STIM1: variants seen among roughly 807,000 people sequenced by gnomAD.
The protein encoded by STIM1 is stromal interaction molecule 1.
STIM1 carries 25 observed loss-of-function variants against 74.7 expected under a neutral mutation model. The ratio of observed to expected loss-of-function variants is 0.33; its 90% CI spans 0.24 to 0.47. STIM1 has a LOEUF of 0.47. STIM1 is among the 20% of genes least tolerant of loss of function. STIM1 has a pLI of 1.00. For synonymous variants in STIM1, 328 were observed against 348.8 expected, an observed-to-expected ratio of 0.94 and a Z score of 0.66; for missense variants, 728 against 920.8, an observed-to-expected ratio of 0.79 and a Z score of 2.71.
chr11:4,027,109 C>T (rs1251568180), intron 3 of STIM1, among the ~76,000 whole-genome samples: 1 of 152,118 alleles, frequency 6.6e-6, no homozygotes, highest in Non-Finnish European at 1.5e-5. Flanking sequence ...ATAATAAAGA[C>T]ATTCCTATCA....
Position 4,074,492 on chromosome 11 carries a change from G to C in STIM1, c.792-10G>C. ...CTGGCCTCCTCCAGCTCCCTGCATT[G>C]CCCCCCCAGGCTGCACAAGGCCCAG... On this transcript the variant is annotated splice_polypyrimidine_tract_variant and intron_variant, in intron 6 of 12. Coordinates refer to ENST00000526596, the MANE Select transcript of STIM1 (RefSeq NM_001382567.1). 6.2e-7 allele frequency: 1 copy of C among 1,612,950 alleles called. No individual in the cohort carries two copies. Among genetic ancestry groups the C allele is most frequent in the Non-Finnish European group, 8.5e-7 (1 of 1,179,874 alleles).
chr11:4,022,196 G>A (rs2093960981), intron 2 of STIM1, among the ~76,000 whole-genome samples: 1 of 151,772 alleles, frequency 6.6e-6, no homozygotes, highest in Non-Finnish European at 1.5e-5. Flanking sequence ...AGCCAGGTGG[G>A]GTGGCGTGCA....
At chr11:4,082,771 C>T (rs1590697192) in intron 8 of STIM1, 111 bp from the exon 9 acceptor site, 4 of 836,608 alleles carry the variant, frequency 4.8e-6, no homozygotes, top group East Asian at 5.1e-5. Context: ...TTTCCTTGTA[C>T]AGCCTCAGTT....
chr11:3,886,334 T>A (rs1446558711), intron 1 of STIM1, among the ~76,000 whole-genome samples: 1 of 152,168 alleles, frequency 6.6e-6, no homozygotes, highest in Non-Finnish European at 1.5e-5. Flanking sequence ...ATTTTTTTTT[T>A]AACTCTGTAA....
At chr11:4,015,032 G>T (rs920542925) in intron 2 of STIM1, among the ~76,000 whole-genome samples, 1 of 152,126 alleles carries the variant, frequency 6.6e-6, no homozygotes, top group Non-Finnish European at 1.5e-5. Flanking sequence ...TTTAATTGGG[G>T]CATTTAGCCC....
intron 7 of STIM1, among the ~76,000 whole-genome samples, chr11:4,076,798 C>T (rs2133197955): frequency 6.9e-6 from 1 of 145,296 alleles, no homozygotes; most frequent in South Asian, 2.1e-4. Flanking sequence ...ACATGGTTAT[C>T]TAGTATATTG....
chr11:4,037,011 A>G (rs530249959), intron 3 of STIM1, among the ~76,000 whole-genome samples: 2 of 150,730 alleles, frequency 1.3e-5, no homozygotes, highest in Middle Eastern at 3.4e-3. Flanking sequence ...ATCTTTATCA[A>G]TTTTCCACCT....
chr11:3,936,775 C>G (rs892535094), intron 1 of STIM1, among the ~76,000 whole-genome samples: 1 of 152,070 alleles, frequency 6.6e-6, no homozygotes, highest in African/African-American at 2.4e-5. Flanking sequence ...GTTGAAGGAG[C>G]CAAGACTGGA....
intron 1 of STIM1, among the ~76,000 whole-genome samples, chr11:3,897,839 C>T (rs375457921): frequency 0.012 from 1,900 of 152,130 alleles, 18 homozygotes; most frequent in Non-Finnish European, 0.022. Flanking sequence ...ACAAAGGACA[C>T]GAACTCATCA....
intron 12 of STIM1, among the ~76,000 whole-genome samples, chr11:4,087,320 T>TG (rs1194803542): frequency 1.4e-4 from 22 of 152,132 alleles, no homozygotes; most frequent in African/African-American, 2.4e-5. Flanking sequence ...TTAAGTGCTA[T>TG]GGGGGTGTTG....
chr11:4,041,717 G>A (rs1450570529), intron 3 of STIM1, among the ~76,000 whole-genome samples: 1 of 151,930 alleles, frequency 6.6e-6, no homozygotes, highest in African/African-American at 2.4e-5. Context: ...AGCCTCCCAA[G>A]TAGCTGGGAC....
intron 1 of STIM1, among the ~76,000 whole-genome samples, chr11:3,895,669 TCTTTCCTTCCTTCC>T (rs2092069191): frequency 1.1e-3 from 44 of 39,844 alleles, no homozygotes; most frequent in African/African-American, 5.9e-3. Flanking sequence ...TTTCTTTCTT[TCTTTCCTTCCTTCC>T]TTCTTTCTTT....
At chr11:4,084,586 C>G in intron 10 of STIM1, 87 bp from the exon 11 acceptor site, 1 of 1,110,452 alleles carries the variant, frequency 9.0e-7, no homozygotes, top group Non-Finnish European at 1.2e-6. Context: ...TCCCTGCCCC[C>G]AGCCCTTCCT....
intron 1 of STIM1, among the ~76,000 whole-genome samples, chr11:3,957,831 C>A (rs914056611): frequency 1.3e-5 from 2 of 152,030 alleles, no homozygotes; most frequent in Non-Finnish European, 2.9e-5. Context: ...CCCCAAAGTG[C>A]TGAAATTACA....
At chr11:4,084,850 C>A in intron 11 of STIM1, 85 bp downstream of exon 11, 1 of 1,093,174 alleles carries the variant, frequency 9.1e-7, no homozygotes, top group Non-Finnish European at 1.2e-6. Flanking sequence ...CCTTCTCCTG[C>A]CTGCTTCACG....
rs2092510302 is a variant in STIM1, at chr11:3,908,681, A to G, written c.139+52272A>G. ...TTAAAGCCTAGGTTTATTCTGCTTA[A>G]TACATTGTCAAGCTCAAATAAAATG... On this transcript the variant is annotated intron_variant, in intron 1 of 12. Coordinates refer to ENST00000526596, the MANE Select transcript of STIM1 (RefSeq NM_001382567.1). Among the ~76,000 whole-genome samples the G allele has an allele frequency of 2.0e-5, 3 of 152,256 alleles. No individual in the cohort carries two copies. The South Asian group carries it at 6.2e-4, about 32-fold the overall frequency.
chr11:3,973,908 A>G (rs942216102), intron 2 of STIM1: 2 of 492,898 alleles, frequency 4.1e-6, no homozygotes, highest in Non-Finnish European at 3.7e-6. Context: ...TAAATTTAAA[A>G]TGTATCTTTT....
chr11:3,955,138 T>C (rs954202423), intron 1 of STIM1, among the ~76,000 whole-genome samples: 3 of 152,222 alleles, frequency 2.0e-5, no homozygotes, highest in African/African-American at 7.2e-5. Context: ...TACATACTGA[T>C]GATTCCATTT....
At chr11:4,047,796 G>A (rs567005802) in intron 3 of STIM1, among the ~76,000 whole-genome samples, 2 of 151,756 alleles carry the variant, frequency 1.3e-5, no homozygotes, top group Admixed American at 6.6e-5. Flanking sequence ...CTCAAGCCTC[G>A]GTGGCAGAGC....
Sources: gnomAD v4.1 joint callset for allele counts (sites outside exome capture counted in the v4.1 genomes callset) on GRCh38, gnomAD v4.1.1 for gene constraint, MANE v1.5 for transcripts, NCBI Gene and HGNC (gene_info 2026-07-23, HGNC 2026-07-21) for gene names.